The following TJP1 variants were observed in gnomAD, a reference collection of about 807,000 sequenced individuals.
TJP1 encodes the protein tight junction protein 1.
Under a neutral mutation model 194.2 loss-of-function variants are expected in TJP1, and 43 were observed. The observed-to-expected ratio is 0.22, with a 90% CI of 0.17 to 0.29. TJP1 has a LOEUF of 0.29. TJP1 is among the 10% of genes least tolerant of loss of function. The pLI, the probability that TJP1 is intolerant of heterozygous loss-of-function variation, is 1.00. For missense variants in TJP1, 1,971 were observed against 2,185.7 expected (o/e 0.90, Z 1.96); for synonymous variants, 801 against 779.0 (o/e 1.03, Z -0.47).
chr15:29,802,295 C>G (rs1362498648), intron 1 of TJP1, among the ~76,000 whole-genome samples: 2 of 152,136 alleles, frequency 1.3e-5, no homozygotes, highest in African/African-American at 4.8e-5. Flanking sequence ...AATATGCCTA[C>G]CAAGGTGCCA....
At chr15:29,758,466 C>T (rs1185982843) in intron 8 of TJP1, among the ~76,000 whole-genome samples, 3 of 152,022 alleles carry the variant, frequency 2.0e-5, no homozygotes, top group Non-Finnish European at 4.4e-5. Flanking sequence ...GTTAAGGTTA[C>T]AGATTCTAAG....
intron 8 of TJP1, among the ~76,000 whole-genome samples, chr15:29,755,769 T>C (rs2045605180): frequency 1.3e-5 from 2 of 152,200 alleles, no homozygotes; most frequent in African/African-American, 4.8e-5. Context: ...ATGAACTCTG[T>C]TGGTTTCAGG....
At chr15:29,797,579 C>A (rs1034094975) in intron 2 of TJP1, among the ~76,000 whole-genome samples, 2 of 137,346 alleles carry the variant, frequency 1.5e-5, no homozygotes, top group South Asian at 2.3e-4. Flanking sequence ...ATCCTGAATA[C>A]GTTAAAAAAA....
chr15:29,948,059 G>A (rs1344951144), intron 2 of TJP1, among the ~76,000 whole-genome samples: 2 of 152,166 alleles, frequency 1.3e-5, no homozygotes, highest in Non-Finnish European at 2.9e-5. Context: ...GAGGTCAAGA[G>A]ATCAAGACCA....
intron 4 of TJP1, among the ~76,000 whole-genome samples, chr15:29,767,896 AC>A (rs2046420595): frequency 6.6e-6 from 1 of 151,898 alleles, no homozygotes; most frequent in African/African-American, 2.4e-5. Context: ...TCTCATCCCT[AC>A]CTACCTCTAA....
chr15:29,768,596 G>GT (rs2046461524), intron 4 of TJP1, among the ~76,000 whole-genome samples: 1 of 152,076 alleles, frequency 6.6e-6, no homozygotes, highest in Non-Finnish European at 1.5e-5. Flanking sequence ...ATGGTTATCA[G>GT]TATGTATACC....
chr15:29,726,403 C>T lies in TJP1; in HGVS notation c.2388G>A (p.Gln796=). 1.9e-6 allele frequency: 3 copies of T among 1,614,068 alleles called. No individual in the cohort carries two copies. Among genetic ancestry groups the T allele is most frequent in the East Asian group, 2.2e-5 (1 of 44,870 alleles). Reference sequence around the variant, plus strand: ...CCTTTCCCTCGGAAACCCATACCAGCTGGTTTTGCTGTTGTTGAATTGCTT... The same window carrying T: ...CCTTTCCCTCGGAAACCCATACCAGTTGGTTTTGCTGTTGTTGAATTGCTT... The part of the protein sequence containing the change: ...LKEAIQQQQN[Q]LVWVSEGKAD... Residue 796 remains glutamine (Q), a synonymous_variant, in exon 18 of 28, where the codon CAG becomes CAA. Coordinates refer to ENST00000614355, the MANE Select transcript of TJP1 (RefSeq NM_001330239.4).
At position 29,700,689 on chromosome 15, in the gene TJP1, A is replaced by G. The variant is rs1037503208; in HGVS notation, c.*906T>C. 2 of 347,032 alleles carry G rather than the reference A, an allele frequency of 5.8e-6. No homozygotes were observed. Among genetic ancestry groups the G allele is most frequent in the African/African-American group, 2.1e-5 (1 of 47,464 alleles). The allele number at this position is 347,032 out of a possible 1,614,324, so 21.5% of individuals were successfully genotyped here. A position where few individuals can be genotyped will look rare whatever the true frequency, so the allele number is the denominator to read the frequency against. On this transcript the variant is annotated 3_prime_UTR_variant, in exon 28 of 28. Transcript: ENST00000614355. ...CATCAAAATTTTCAAATGCATAGCCAGAAAGAACAGAAAACCACCACTGCC... is the reference window on the plus strand; with the variant it reads ...CATCAAAATTTTCAAATGCATAGCCGGAAAGAACAGAAAACCACCACTGCC...
At chr15:29,864,557 C>T (rs1314657361) in intron 2 of TJP1, among the ~76,000 whole-genome samples, 1 of 152,126 alleles carries the variant, frequency 6.6e-6, no homozygotes, top group Non-Finnish European at 1.5e-5. Flanking sequence ...CTCTTTTCAG[C>T]TTCAGTTACC....
intron 2 of TJP1, among the ~76,000 whole-genome samples, chr15:29,793,766 CAA>C (rs2151833107): frequency 6.6e-6 from 1 of 152,284 alleles, no homozygotes; most frequent in South Asian, 2.1e-4. Context: ...CTGGGGATTA[CAA>C]TTAAATGTAA....
At chr15:29,789,200 G>T (rs1011157597) in intron 2 of TJP1, among the ~76,000 whole-genome samples, 1 of 152,094 alleles carries the variant, frequency 6.6e-6, no homozygotes, top group African/African-American at 2.4e-5. Context: ...CTACTGGGCG[G>T]TGCTGTTGTA....
At chr15:29,760,910 A>G (rs987540368) in intron 8 of TJP1, among the ~76,000 whole-genome samples, 4 of 152,234 alleles carry the variant, frequency 2.6e-5, no homozygotes, top group Non-Finnish European at 5.9e-5. Flanking sequence ...GCAGTTGAGC[A>G]GTGAAAAGAA....
rs577429401 is a variant in TJP1, at chr15:29,835,660, A to C, written c.307-34958T>G. Among the ~76,000 whole-genome samples, 60 of 151,764 alleles carry C rather than the reference A, an allele frequency of 4.0e-4. 1 individual carries two copies. The highest frequency in any genetic ancestry group is 1.3e-3 in the African/African-American group (53 of 41,410). ...GCGAGACCCTAGCTGCAAAAAAAAAACAAAAAGCACAAAACATGATACTCT... is the reference window on the plus strand; with the variant it reads ...GCGAGACCCTAGCTGCAAAAAAAAACCAAAAAGCACAAAACATGATACTCT... On this transcript the variant is annotated intron_variant, in intron 2 of 28. Coordinates refer to the TJP1 transcript ENST00000356107.
At chr15:29,802,171 A>G (rs762540760) in intron 1 of TJP1, among the ~76,000 whole-genome samples, 31 of 152,170 alleles carry the variant, frequency 2.0e-4, no homozygotes, top group Non-Finnish European at 3.8e-4. Context: ...AAGGTAAAGT[A>G]AAAAGGGAGA....
At chr15:29,724,084 G>A in intron 18 of TJP1, among the ~76,000 whole-genome samples, 1 of 152,208 alleles carries the variant, frequency 6.6e-6, no homozygotes, top group East Asian at 1.9e-4. Flanking sequence ...TGGCTCTGCA[G>A]GTCTGCTGTG....
intron 2 of TJP1, among the ~76,000 whole-genome samples, chr15:29,850,218 T>C (rs2051587758): frequency 6.6e-6 from 1 of 152,240 alleles, no homozygotes; most frequent in Middle Eastern, 3.2e-3. Flanking sequence ...ACGTCTTGAC[T>C]GCAACTTCAC....
intron 2 of TJP1, among the ~76,000 whole-genome samples, chr15:29,882,883 C>T (rs139318343): frequency 1.0e-3 from 155 of 152,318 alleles, no homozygotes; most frequent in African/African-American, 3.6e-3. Flanking sequence ...GGCTTCCCTG[C>T]TCTGGAATGC....
intron 18 of TJP1, among the ~76,000 whole-genome samples, chr15:29,723,343 T>A (rs1566898767): frequency 6.6e-6 from 1 of 152,184 alleles, no homozygotes; most frequent in African/African-American, 2.4e-5. Context: ...TATTTTGTGA[T>A]AAGAGTTCTC....
intron 23 of TJP1, among the ~76,000 whole-genome samples, chr15:29,712,654 A>C (rs558358103): frequency 6.6e-6 from 1 of 152,298 alleles, no homozygotes; most frequent in Admixed American, 6.5e-5. Flanking sequence ...CATGTACTTT[A>C]ACTGTTACTG....
Sources: gnomAD v4.1 joint callset for allele counts (sites outside exome capture counted in the v4.1 genomes callset) on GRCh38, gnomAD v4.1.1 for gene constraint, MANE v1.5 for transcripts, NCBI Gene and HGNC (gene_info 2026-07-23, HGNC 2026-07-21) for gene names.